AMBRA1: variants seen among roughly 807,000 people sequenced by gnomAD.
The protein encoded by AMBRA1 is autophagy and beclin 1 regulator 1.
AMBRA1 carries 47 observed loss-of-function variants against 125.4 expected under a neutral mutation model. The ratio of observed to expected loss-of-function variants is 0.37; its 90% CI spans 0.30 to 0.48. The LOEUF (loss-of-function observed/expected upper bound fraction) is 0.48, where lower values mean the gene tolerates loss of function less well. Ranked by LOEUF, AMBRA1 falls within the 20% of genes least tolerant of loss-of-function variation. AMBRA1 has a pLI of 0.99. For synonymous variants in AMBRA1, 626 were observed against 655.5 expected (o/e 0.95, Z 0.69); for missense variants, 1,331 against 1,693.4 (o/e 0.79, Z 3.76).
intron 14 of AMBRA1, chr11:46,428,577 C>T: frequency 8.6e-7 from 1 of 1,159,558 alleles, no homozygotes; most frequent in East Asian, 2.6e-5. Context: ...TTTTCCACTT[C>T]TTCTTCTTCT....
chr11:46,447,555 A>T (rs1337835947), intron 11 of AMBRA1, among the ~76,000 whole-genome samples: 1 of 151,968 alleles, frequency 6.6e-6, no homozygotes, highest in African/African-American at 2.4e-5. Context: ...AAAACACAAA[A>T]CACAAAAATT....
chr11:46,423,027 A>C (rs1946926241), intron 14 of AMBRA1, among the ~76,000 whole-genome samples: 1 of 152,184 alleles, frequency 6.6e-6, no homozygotes, highest in Admixed American at 6.5e-5. Flanking sequence ...GGAATTAAGG[A>C]AGGCTTAAGG....
intron 11 of AMBRA1, among the ~76,000 whole-genome samples, chr11:46,482,169 T>C (rs1950095718): frequency 1.3e-5 from 2 of 152,208 alleles, no homozygotes; most frequent in Admixed American, 1.3e-4. Flanking sequence ...TTTTTCTCTA[T>C]AATACTACTT....
At position 46,397,038 on chromosome 11, in the gene AMBRA1, G is replaced by T. The variant is rs546487016; in HGVS notation, c.*412C>A. 1 of 159,368 alleles carries T rather than the reference G, an allele frequency of 6.3e-6. No homozygotes were observed. The highest frequency in any genetic ancestry group is 1.8e-4 in the East Asian group (1 of 5,436). The allele number at this position is 159,368 out of a possible 1,614,324, so 9.9% of individuals were successfully genotyped here. ...CCTGGTGGCTCTGCCCACCCAACAG[G>T]TGGACAGGGCAAAGCTGCCTCGCGG... On this transcript the variant is annotated 3_prime_UTR_variant, in exon 18 of 18. Coordinates refer to ENST00000683756, the MANE Select transcript of AMBRA1 (RefSeq NM_001387011.1).
intron 11 of AMBRA1, among the ~76,000 whole-genome samples, chr11:46,467,009 C>T (rs1218535081): frequency 6.6e-6 from 1 of 151,932 alleles, no homozygotes; most frequent in Non-Finnish European, 1.5e-5. Context: ...CCTTCACCTC[C>T]CGGATCCAGG....
chr11:46,538,049 CAT>C (rs1952559949), intron 7 of AMBRA1, among the ~76,000 whole-genome samples: 1 of 152,208 alleles, frequency 6.6e-6, no homozygotes, highest in Admixed American at 6.5e-5. Flanking sequence ...AGGGTTGGCT[CAT>C]CACCTAGAGA....
At chr11:46,450,434 G>T (rs962030521) in intron 11 of AMBRA1, among the ~76,000 whole-genome samples, 1 of 151,730 alleles carries the variant, frequency 6.6e-6, no homozygotes, top group Non-Finnish European at 1.5e-5. Flanking sequence ...GTGAGCACAA[G>T]ATTTTTTTTT....
At chr11:46,472,073 T>G (rs1452611925) in intron 11 of AMBRA1, among the ~76,000 whole-genome samples, 1 of 152,222 alleles carries the variant, frequency 6.6e-6, no homozygotes, top group Non-Finnish European at 1.5e-5. Flanking sequence ...TAGCCAGAGA[T>G]AGTCAAAGGA....
chr11:46,469,453 A>G (rs1949479197), intron 11 of AMBRA1, among the ~76,000 whole-genome samples: 2 of 152,198 alleles, frequency 1.3e-5, no homozygotes, highest in Admixed American at 6.6e-5. Flanking sequence ...AAAAAAAGGT[A>G]TGGTTCCTAA....
chr11:46,485,965 G>T (rs1209979728), intron 11 of AMBRA1, among the ~76,000 whole-genome samples: 1 of 152,168 alleles, frequency 6.6e-6, no homozygotes, highest in Non-Finnish European at 1.5e-5. Flanking sequence ...TAGGTAAAAG[G>T]CCCCGGGTGC....
chr11:46,464,394 T>C (rs1297153788), intron 11 of AMBRA1, among the ~76,000 whole-genome samples: 2 of 152,116 alleles, frequency 1.3e-5, no homozygotes, highest in East Asian at 3.9e-4. Context: ...TTTCCCTGGA[T>C]TTAATAATTC....
At chr11:46,592,185 T>TG (rs1156303295) in intron 1 of AMBRA1, among the ~76,000 whole-genome samples, 1 of 151,956 alleles carries the variant, frequency 6.6e-6, no homozygotes, top group Non-Finnish European at 1.5e-5. Flanking sequence ...TCCACCTGCC[T>TG]TGGCCTCCCA....
chr11:46,518,294 G>C, intron 7 of AMBRA1: 1 of 187,870 alleles, frequency 5.3e-6, no homozygotes, highest in South Asian at 6.4e-5. Context: ...GCCGGGCGTG[G>C]TGGTGGGCTC....
intron 16 of AMBRA1, 124 bp downstream of exon 16, chr11:46,410,152 G>A: frequency 1.3e-6 from 1 of 794,328 alleles, no homozygotes; most frequent in Admixed American, 2.0e-5. Context: ...AAAAGATCAA[G>A]GAGGTGCTGC....
rs1342665922 is a variant in AMBRA1, at chr11:46,397,170, G to A, written c.*280C>T. ...GCCCATGTTACTAGGAGAAAGTGGG[G>A]TGCCTGGCAGAGATACCCACTTGTT... On this transcript the variant is annotated 3_prime_UTR_variant, in exon 18 of 18. Transcript: ENST00000683756. 3 of 324,136 alleles carry A rather than the reference G, an allele frequency of 9.3e-6. No individual in the cohort carries two copies. The highest frequency in any genetic ancestry group is 4.3e-5 in the African/African-American group (2 of 47,002). The allele number at this position is 324,136 out of a possible 1,614,324, so 20.1% of individuals were successfully genotyped here.
chr11:46,537,380 G>C (rs1360214073), intron 7 of AMBRA1, among the ~76,000 whole-genome samples: 1 of 152,162 alleles, frequency 6.6e-6, no homozygotes, highest in East Asian at 1.9e-4. Flanking sequence ...ACCTCTTTAA[G>C]AAATCATTTA....
chr11:46,541,865 G>A lies in AMBRA1; in HGVS notation c.2072+80C>T, dbSNP rs540990080. On this transcript the variant is annotated intron_variant, in intron 7 of 17. Coordinates refer to ENST00000683756, the MANE Select transcript of AMBRA1 (RefSeq NM_001387011.1). The stretch of plus-strand genomic sequence containing the variant: ...GTGGGTCCCAGACACTCCAGATACA[G>A]CCACAACATCTATAGGACTCAAGGA... 1.7e-5 allele frequency: 27 copies of A among 1,553,734 alleles called. No homozygotes were observed. The South Asian group carries it at 2.4e-4, about 14-fold the overall frequency.
intron 14 of AMBRA1, among the ~76,000 whole-genome samples, chr11:46,418,626 C>A (rs1224526616): frequency 1.3e-5 from 2 of 151,774 alleles, no homozygotes; most frequent in Non-Finnish European, 2.9e-5. Flanking sequence ...GTTCAGTTCC[C>A]ACCTATGAGT....
At chr11:46,522,483 G>T (rs1395550119) in intron 7 of AMBRA1, among the ~76,000 whole-genome samples, 1 of 151,890 alleles carries the variant, frequency 6.6e-6, no homozygotes, top group Non-Finnish European at 1.5e-5. Context: ...TACCATCAGA[G>T]GCTTTTCACC....
Sources: allele counts gnomAD v4.1 joint callset (sites outside exome capture counted in the v4.1 genomes callset), GRCh38; gene constraint gnomAD v4.1.1; transcripts MANE v1.5; gene names NCBI Gene and HGNC (gene_info 2026-07-23, HGNC 2026-07-21).